Variants in B3GALT1 observed in about 807,000 individuals in gnomAD.
B3GALT1 encodes UDP-Gal:betaGlcNAc beta 1,3-galactosyltransferase, polypeptide 1.
Under a neutral mutation model 23.2 loss-of-function variants are expected in B3GALT1, and 10 were observed. The observed-to-expected ratio is 0.43, with a 90% CI of 0.27 to 0.73. The LOEUF (loss-of-function observed/expected upper bound fraction) is 0.73, where lower values mean the gene tolerates loss of function less well. Among genes scored for constraint, B3GALT1 ranks in the 30% least tolerant of loss-of-function variants. The pLI is 0.21. For synonymous variants in B3GALT1, 156 were observed against 141.5 expected (o/e 1.10, Z -0.73); for missense variants, 299 against 405.4 (o/e 0.74, Z 2.25).
intron 2 of B3GALT1, among the ~76,000 whole-genome samples, chr2:167,530,223 T>C (rs1344735896): frequency 1.6e-4 from 25 of 152,186 alleles, no homozygotes; most frequent in Non-Finnish European, 1.3e-4. Flanking sequence ...CTACCCCCTA[T>C]TGGCCAGTGT....
At chr2:167,460,325 G>T (rs1471241753) in intron 1 of B3GALT1, among the ~76,000 whole-genome samples, 4 of 152,022 alleles carry the variant, frequency 2.6e-5, no homozygotes, top group Non-Finnish European at 5.9e-5. Context: ...TTTCAGGCTT[G>T]ATAATTTCCT....
At chr2:167,361,068 C>G (rs919433704) in intron 1 of B3GALT1, among the ~76,000 whole-genome samples, 3 of 152,124 alleles carry the variant, frequency 2.0e-5, no homozygotes, top group African/African-American at 7.2e-5. Flanking sequence ...CAATAATATT[C>G]CATTATGTGT....
intron 1 of B3GALT1, among the ~76,000 whole-genome samples, chr2:167,477,629 A>G (rs968711875): frequency 1.3e-5 from 2 of 152,336 alleles, no homozygotes; most frequent in East Asian, 3.9e-4. Flanking sequence ...TAATGTCACT[A>G]GAAGTGCATG....
At chr2:167,548,059 C>T (rs554737636) in intron 2 of B3GALT1, among the ~76,000 whole-genome samples, 37 of 152,272 alleles carry the variant, frequency 2.4e-4, no homozygotes, top group African/African-American at 7.0e-4. Flanking sequence ...CATAAAGTCA[C>T]TGGGCCCAGC....
chr2:167,625,483 T>A (rs1007269581), intron 2 of B3GALT1, among the ~76,000 whole-genome samples: 1 of 151,856 alleles, frequency 6.6e-6, no homozygotes, highest in African/African-American at 2.4e-5. Context: ...GATGATTATT[T>A]GATTAGTAAA....
At chr2:167,535,502 C>T (rs572670018) in intron 2 of B3GALT1, among the ~76,000 whole-genome samples, 2 of 151,954 alleles carry the variant, frequency 1.3e-5, no homozygotes, top group Non-Finnish European at 2.9e-5. Flanking sequence ...AATCTAACTG[C>T]TTCAGTATTA....
At chr2:167,469,380 C>T (rs189060128) in intron 1 of B3GALT1, among the ~76,000 whole-genome samples, 2 of 152,248 alleles carry the variant, frequency 1.3e-5, no homozygotes, top group Non-Finnish European at 2.9e-5. Context: ...AGAATAGTGC[C>T]TGACACATAA....
At chr2:167,542,455 G>T (rs149859615) in intron 2 of B3GALT1, among the ~76,000 whole-genome samples, 6 of 152,268 alleles carry the variant, frequency 3.9e-5, no homozygotes, top group African/African-American at 1.4e-4. Context: ...AAATCTCCAT[G>T]TTGGGAAGAA....
At chr2:167,732,051 T>C (rs1327614802) in intron 3 of B3GALT1, among the ~76,000 whole-genome samples, 1 of 152,192 alleles carries the variant, frequency 6.6e-6, no homozygotes, top group African/African-American at 2.4e-5. Flanking sequence ...ACAACCTATA[T>C]AATACATTTC....
At chr2:167,861,866 A>G (rs1326496988) in intron 4 of B3GALT1, among the ~76,000 whole-genome samples, 2 of 152,218 alleles carry the variant, frequency 1.3e-5, no homozygotes, top group Non-Finnish European at 2.9e-5. Context: ...TTACCAGCTC[A>G]CTGCCTGGCA....
At chr2:167,302,722 C>T (rs1696470130) in intron 1 of B3GALT1, among the ~76,000 whole-genome samples, 1 of 152,132 alleles carries the variant, frequency 6.6e-6, no homozygotes, top group African/African-American at 2.4e-5. Flanking sequence ...TTAACTCAAG[C>T]TTAAATTGAG....
At position 167,714,972 on chromosome 2, in the gene B3GALT1, G is replaced by A; in HGVS notation, c.-352+68006G>A. On this transcript the variant is annotated intron_variant, in intron 3 of 4. Coordinates refer to ENST00000392690, the MANE Select transcript of B3GALT1 (RefSeq NM_020981.4). ...CTTTCAAAATATATGTTTTCTGACT[G>A]CAAAGATGCTTGTTGAGTCTGAAGA... 10 of 1,611,556 alleles carry A rather than the reference G, an allele frequency of 6.2e-6. No individual in the cohort carries two copies. The Middle Eastern group carries it at 6.8e-4, about 109-fold the overall frequency.
intron 2 of B3GALT1, among the ~76,000 whole-genome samples, chr2:167,566,266 C>A (rs1443686288): frequency 6.6e-6 from 1 of 151,930 alleles, no homozygotes; most frequent in African/African-American, 2.4e-5. Flanking sequence ...AAACCAAACA[C>A]CGCATGTTCT....
intron 4 of B3GALT1, among the ~76,000 whole-genome samples, chr2:167,834,762 C>A (rs1689423537): frequency 6.6e-6 from 1 of 151,978 alleles, no homozygotes; most frequent in Non-Finnish European, 1.5e-5. Context: ...AGCAGAAGAA[C>A]TGCTTGAACC....
intron 1 of B3GALT1, among the ~76,000 whole-genome samples, chr2:167,372,671 AT>A (rs1553515427): frequency 6.6e-6 from 1 of 152,126 alleles, no homozygotes; most frequent in Non-Finnish European, 1.5e-5. Context: ...AAAATCAGTT[AT>A]GATTATTGAT....
At chr2:167,802,691 T>TAC (rs1203274683) in intron 3 of B3GALT1, among the ~76,000 whole-genome samples, 1 of 152,202 alleles carries the variant, frequency 6.6e-6, no homozygotes, top group Non-Finnish European at 1.5e-5. Context: ...TCCATCGTAT[T>TAC]ACATGTCCCT....
At chr2:167,433,645 TAA>T (rs1249309848) in intron 1 of B3GALT1, among the ~76,000 whole-genome samples, 1 of 152,086 alleles carries the variant, frequency 6.6e-6, no homozygotes, top group Non-Finnish European at 1.5e-5. Flanking sequence ...AACAGAAAAT[TAA>T]AGAGTGTATT....
intron 3 of B3GALT1, among the ~76,000 whole-genome samples, chr2:167,661,082 C>G (rs529866759): frequency 6.6e-6 from 1 of 152,086 alleles, no homozygotes; most frequent in Non-Finnish European, 1.5e-5. Context: ...CGTTGTGCAA[C>G]GGAGCTTAAA....
chr2:167,690,299 C>G (rs1177370166), intron 3 of B3GALT1, among the ~76,000 whole-genome samples: 2 of 151,522 alleles, frequency 1.3e-5, no homozygotes, highest in Non-Finnish European at 2.9e-5. Flanking sequence ...AATATAAATG[C>G]TAAGCATAAC....
Sources: allele counts gnomAD v4.1 joint callset (sites outside exome capture counted in the v4.1 genomes callset), GRCh38; gene constraint gnomAD v4.1.1; transcripts MANE v1.5; gene names NCBI Gene and HGNC (gene_info 2026-07-23, HGNC 2026-07-21).